The following SEL1L2 variants were observed in gnomAD, a reference collection of about 807,000 sequenced individuals.
The protein encoded by SEL1L2 is SEL1L2 adaptor subunit of SYVN1 ubiquitin ligase.
SEL1L2 carries 89 observed loss-of-function variants against 98.8 expected under a neutral mutation model. That is an observed-to-expected ratio of 0.90 (90% CI 0.76 to 1.07). The LOEUF (loss-of-function observed/expected upper bound fraction) is 1.07, where lower values mean the gene tolerates loss of function less well. Among genes scored for constraint, SEL1L2 ranks in the 50% least tolerant of loss-of-function variants. The pLI is 0.00. For missense variants in SEL1L2, 788 were observed against 812.0 expected (o/e 0.97, Z 0.36); for synonymous variants, 262 against 278.5 (o/e 0.94, Z 0.59).
chr20:13,948,250 A>G (rs1204292867), intron 2 of SEL1L2, among the ~76,000 whole-genome samples: 1 of 144,828 alleles, frequency 6.9e-6, no homozygotes, highest in African/African-American at 2.7e-5. Flanking sequence ...TTTTTCAGAA[A>G]TAGAGATATT....
At chr20:13,970,756 T>C (rs1205853043) in intron 1 of SEL1L2, among the ~76,000 whole-genome samples, 1 of 152,060 alleles carries the variant, frequency 6.6e-6, no homozygotes, top group Non-Finnish European at 1.5e-5. Context: ...TACTTGAACC[T>C]GGCGGGTGGA....
At chr20:13,873,853 C>G (rs2046314425) in intron 12 of SEL1L2, among the ~76,000 whole-genome samples, 1 of 152,078 alleles carries the variant, frequency 6.6e-6, no homozygotes, top group Admixed American at 6.6e-5. Context: ...TTAATAACCC[C>G]CTGGCAGGAC....
At chr20:13,880,360 T>C (rs2046637034) in intron 10 of SEL1L2, among the ~76,000 whole-genome samples, 3 of 152,186 alleles carry the variant, frequency 2.0e-5, no homozygotes, top group Admixed American at 6.5e-5. Context: ...AATATAATGA[T>C]TTGATAAAGA....
chr20:13,977,905 T>A (rs1164801994), intron 1 of SEL1L2, among the ~76,000 whole-genome samples: 1 of 152,152 alleles, frequency 6.6e-6, no homozygotes, highest in Non-Finnish European at 1.5e-5. Context: ...AAAATTAATA[T>A]TGTAAAAATG....
At chr20:13,993,506 G>A (rs750059428), upstream of SEL1L2, among the ~76,000 whole-genome samples, 9 of 152,246 alleles carry the variant, frequency 5.9e-5, no homozygotes, top group Middle Eastern at 3.4e-3. Flanking sequence ...TGGAACAAAT[G>A]CCCTCTACAT....
At chr20:13,966,879 CTTTTTTTT>C (rs35292120) in intron 1 of SEL1L2, among the ~76,000 whole-genome samples, 14 of 104,140 alleles carry the variant, frequency 1.3e-4, no homozygotes, top group African/African-American at 5.0e-4. Flanking sequence ...AGAGACCTGT[CTTTTTTTT>C]TTTTTTTTTT....
At chr20:13,920,502 C>T (rs755620406) in intron 3 of SEL1L2, among the ~76,000 whole-genome samples, 21 of 152,138 alleles carry the variant, frequency 1.4e-4, no homozygotes, top group Non-Finnish European at 7.4e-5. Context: ...AAGAGTCACA[C>T]TTAAAGATAT....
At chr20:13,851,985 A>G (rs1988340171) in intron 18 of SEL1L2, among the ~76,000 whole-genome samples, 1 of 152,212 alleles carries the variant, frequency 6.6e-6, no homozygotes, top group Non-Finnish European at 1.5e-5. Context: ...TTAAAATACA[A>G]TTCAGGAGAT....
chr20:13,953,205 C>T (rs1027660688), intron 2 of SEL1L2, among the ~76,000 whole-genome samples: 2 of 152,276 alleles, frequency 1.3e-5, no homozygotes, highest in Non-Finnish European at 2.9e-5. Context: ...CCTGTGCAAA[C>T]TGGTAAAAGG....
intron 1 of SEL1L2, among the ~76,000 whole-genome samples, chr20:13,987,677 T>C (rs2052296938): frequency 6.6e-6 from 1 of 152,146 alleles, no homozygotes; most frequent in Admixed American, 6.5e-5. Flanking sequence ...ATTATAACCA[T>C]CCTAGTGGGT....
In SEL1L2 at chr20:13,852,819, G is replaced by A. The variant is rs967523524; in HGVS notation, c.1819-2500C>T. 8.5e-5 allele frequency among the ~76,000 whole-genome samples: 13 copies of A among 152,244 alleles called. No individual in the cohort carries two copies. In the East Asian group the frequency reaches 1.5e-3, roughly 18 times the overall value. On this transcript the variant is annotated intron_variant, in intron 18 of 19. Coordinates refer to ENST00000284951, the MANE Select transcript of SEL1L2 (RefSeq NM_025229.2). Reference sequence around the variant, plus strand: ...GTTTATGAAAATTGTACAATTGCCCGATGCAGGAGTTTTCCAGCCCCAAAT... The same window carrying A: ...GTTTATGAAAATTGTACAATTGCCCAATGCAGGAGTTTTCCAGCCCCAAAT...
chr20:13,950,596 G>A (rs2050215849), intron 2 of SEL1L2, among the ~76,000 whole-genome samples: 1 of 152,178 alleles, frequency 6.6e-6, no homozygotes. Flanking sequence ...TCTGGAACAG[G>A]CACAGTTTAG....
chr20:13,994,405 C>G (rs558501745), upstream of SEL1L2, among the ~76,000 whole-genome samples: 4 of 150,478 alleles, frequency 2.7e-5, no homozygotes, highest in Non-Finnish European at 5.9e-5. Context: ...CTTTACAATT[C>G]TTTTTGGGGC....
intron 18 of SEL1L2, among the ~76,000 whole-genome samples, chr20:13,853,203 A>AT (rs913767825): frequency 4.1e-4 from 61 of 147,252 alleles, no homozygotes; most frequent in Admixed American, 1.3e-3. Context: ...CTAGCCTATA[A>AT]TTTTTTTTTT....
rs757423633 is a variant in SEL1L2, at chr20:13,877,576, A to T, written c.970T>A (p.Tyr324Asn). 1 of 1,612,726 alleles carries T rather than the reference A, an allele frequency of 6.2e-7. No homozygotes were observed. The highest frequency in any genetic ancestry group is 8.5e-7 in the Non-Finnish European group (1 of 1,178,922). ...CCGGCCTTTGCTGCCTTTAAGAAGT[A>T]GTGTAATGCTTTCTGGAGAGAAAAG... ...LDQDYYKALH[Y>N]FLKAAKAGSA... The change falls in exon 11 of 20, where the codon TAC becomes AAC. Residue 324 changes from tyrosine (Y) to asparagine (N), a missense_variant. By Grantham distance (143) the Tyr-to-Asn change is moderately radical. Coordinates refer to ENST00000284951, the MANE Select transcript of SEL1L2 (RefSeq NM_025229.2).
chr20:13,916,099 A>G (rs927031466), intron 4 of SEL1L2, among the ~76,000 whole-genome samples: 1 of 152,174 alleles, frequency 6.6e-6, no homozygotes, highest in African/African-American at 2.4e-5. Context: ...TAATATCTGT[A>G]CTTTAAACAG....
At position 13,880,841 on chromosome 20, in the gene SEL1L2, C is replaced by A. The variant is rs185371153; in HGVS notation, c.958-3253G>T. ...TCTTAGTATGAAATATAGTACGCCCCAGGTATTACACTAAGTAAGTAAAGT... is the reference window on the plus strand; with the variant it reads ...TCTTAGTATGAAATATAGTACGCCCAAGGTATTACACTAAGTAAGTAAAGT... On this transcript the variant is annotated intron_variant, in intron 10 of 19. Transcript: ENST00000284951. Among the ~76,000 whole-genome samples the A allele has an allele frequency of 1.2e-4, 18 of 151,462 alleles. No individual in the cohort carries two copies. In the East Asian group the frequency reaches 3.5e-3, roughly 29 times the overall value.
intron 2 of SEL1L2, among the ~76,000 whole-genome samples, chr20:13,947,292 C>T (rs2050059798): frequency 6.6e-6 from 1 of 152,122 alleles, no homozygotes; most frequent in Non-Finnish European, 1.5e-5. Flanking sequence ...GAAGACCTGC[C>T]TGCAGGTAGG....
chr20:13,947,343 AGAT>A (rs1201620121), intron 2 of SEL1L2, among the ~76,000 whole-genome samples: 3 of 152,094 alleles, frequency 2.0e-5, no homozygotes, highest in South Asian at 2.1e-4. Context: ...AGGGCTACAG[AGAT>A]GATGGGATGA....
Sources: allele counts gnomAD v4.1 joint callset (sites outside exome capture counted in the v4.1 genomes callset), GRCh38; gene constraint gnomAD v4.1.1; transcripts MANE v1.5; gene names NCBI Gene and HGNC (gene_info 2026-07-23, HGNC 2026-07-21).